The following SUGCT variants were observed in gnomAD, a reference collection of about 807,000 sequenced individuals.
The protein encoded by SUGCT is succinyl-CoA:glutarate CoA-transferase.
Under a neutral mutation model 55.0 loss-of-function variants are expected in SUGCT, and 41 were observed. That is an observed-to-expected ratio of 0.74 (90% CI 0.58 to 0.97). The LOEUF (loss-of-function observed/expected upper bound fraction) is 0.97. Ranked by LOEUF, SUGCT falls within the 50% of genes least tolerant of loss-of-function variation. The pLI, the probability that SUGCT is intolerant of heterozygous loss-of-function variation, is 0.00. For synonymous variants in SUGCT, 187 were observed against 200.4 expected (o/e 0.93, Z 0.56); for missense variants, 568 against 547.8 (o/e 1.04, Z -0.37).
At chr7:41,032,243 C>G in the SUGCT span, among the ~76,000 whole-genome samples, 2 of 152,108 alleles carry the variant, frequency 1.3e-5, no homozygotes, top group Non-Finnish European at 2.9e-5. Flanking sequence ...CTACCTAGTA[C>G]CCATGTGCAT....
chr7:40,460,355 C>A (rs1052315544), intron 11 of SUGCT, among the ~76,000 whole-genome samples: 1 of 152,162 alleles, frequency 6.6e-6, no homozygotes, highest in African/African-American at 2.4e-5. Flanking sequence ...CTTTTCTGGT[C>A]CCTAGTTAAA....
At chr7:40,289,792 G>A (rs1793616241) in intron 8 of SUGCT, among the ~76,000 whole-genome samples, 1 of 152,156 alleles carries the variant, frequency 6.6e-6, no homozygotes, top group East Asian at 1.9e-4. Context: ...AAGCTGATAA[G>A]CTACTTCAGC....
At chr7:40,477,001 A>G (rs1790730095) in intron 11 of SUGCT, among the ~76,000 whole-genome samples, 1 of 152,150 alleles carries the variant, frequency 6.6e-6, no homozygotes. Context: ...TTAATATCAC[A>G]AACAACATTT....
chr7:40,239,021 G>A (rs1366390833), intron 7 of SUGCT, among the ~76,000 whole-genome samples: 5 of 151,922 alleles, frequency 3.3e-5, no homozygotes, highest in South Asian at 4.2e-4. Context: ...TGGTTTCACC[G>A]TCTTGACCAG....
At chr7:40,896,998 G>T in the SUGCT span, among the ~76,000 whole-genome samples, 1 of 152,174 alleles carries the variant, frequency 6.6e-6, no homozygotes, top group East Asian at 1.9e-4. Flanking sequence ...ACAGCACTGT[G>T]TAAAAACAGA....
At chr7:40,428,396 C>A (rs1322277917) in intron 9 of SUGCT, among the ~76,000 whole-genome samples, 1 of 152,086 alleles carries the variant, frequency 6.6e-6, no homozygotes, top group Admixed American at 6.6e-5. Context: ...TAGGGAAGGA[C>A]TTACCTTGTC....
intron 13 of SUGCT, among the ~76,000 whole-genome samples, chr7:40,859,579 A>G (rs1794383010): frequency 6.6e-6 from 1 of 152,222 alleles, no homozygotes; most frequent in Admixed American, 6.5e-5. Flanking sequence ...CATAGTAACC[A>G]ACAAGTTTTG....
chr7:40,288,225 G>A (rs1425104513), intron 8 of SUGCT, among the ~76,000 whole-genome samples: 1 of 151,920 alleles, frequency 6.6e-6, no homozygotes, highest in Admixed American at 6.6e-5. Context: ...CCTTGCTTTT[G>A]GAAGAGTTTG....
chr7:40,496,228 G>T (rs536804073), intron 11 of SUGCT, 56 bp from the exon 12 acceptor site: 10 of 1,090,108 alleles, frequency 9.2e-6, no homozygotes, highest in Middle Eastern at 2.0e-4. Flanking sequence ...CATGATAGAA[G>T]AGGCTGTGTT....
chr7:40,247,908 G>T (rs1790013231), intron 7 of SUGCT, among the ~76,000 whole-genome samples: 1 of 151,702 alleles, frequency 6.6e-6, no homozygotes, highest in African/African-American at 2.4e-5. Flanking sequence ...TTTCTTTATG[G>T]TTAATGTGTT....
At chr7:40,302,329 C>T in intron 8 of SUGCT, among the ~76,000 whole-genome samples, 1 of 152,176 alleles carries the variant, frequency 6.6e-6, no homozygotes, top group East Asian at 1.9e-4. Context: ...CCTCTGCTTT[C>T]CCTCCAATTA....
At chr7:40,538,619 A>G (rs1402379294) in intron 12 of SUGCT, 1 of 152,234 alleles carries the variant, frequency 6.6e-6, no homozygotes, top group African/African-American at 2.4e-5. Flanking sequence ...CTGCATGTAG[A>G]CAAGGTATAT....
At chr7:40,588,676 C>A (rs942234601) in intron 12 of SUGCT, among the ~76,000 whole-genome samples, 17 of 152,206 alleles carry the variant, frequency 1.1e-4, no homozygotes, top group African/African-American at 3.4e-4. Context: ...AGGTTTAATA[C>A]CATCATATTT....
intron 11 of SUGCT, among the ~76,000 whole-genome samples, chr7:40,465,320 C>G (rs73138940): frequency 0.1 from 15,763 of 152,152 alleles, 1,104 homozygotes; most frequent in Middle Eastern, 0.19. Context: ...AGGCTGGGTG[C>G]GGTGGCTGGC....
At chr7:40,334,508 C>A (rs553596706) in intron 9 of SUGCT, among the ~76,000 whole-genome samples, 80 of 152,086 alleles carry the variant, frequency 5.3e-4, no homozygotes, top group Non-Finnish European at 8.8e-4. Context: ...GCCAGTGATG[C>A]TGAGCATTTT....
intron 13 of SUGCT, among the ~76,000 whole-genome samples, chr7:40,791,536 G>A (rs17439694): frequency 0.018 from 2,787 of 152,218 alleles, 46 homozygotes; most frequent in South Asian, 0.04. Context: ...TGGTATGCTT[G>A]AAAGAATAAC....
chr7:40,529,944 CAT>C lies in SUGCT; in HGVS notation c.1089+33560_1089+33561del, dbSNP rs201381497. ...AGGGCCAGAAATGTGGCAGTATAAA[CAT>C]AGCTTATTTAGCCCAGTGTGGACCA... On this transcript the variant is annotated intron_variant, in intron 12 of 13. Transcript: ENST00000335693. 4.7e-3 allele frequency among the ~76,000 whole-genome samples: 709 copies of C among 152,252 alleles called. 6 individuals carry two copies. Among genetic ancestry groups the C allele is most frequent in the African/African-American group, 0.016 (665 of 41,556 alleles).
chr7:40,853,195 A>G (rs1241508474), intron 13 of SUGCT, among the ~76,000 whole-genome samples: 1 of 152,176 alleles, frequency 6.6e-6, no homozygotes, highest in African/African-American at 2.4e-5. Context: ...TAGATACTCC[A>G]AAATTATATG....
At chr7:40,246,384 C>T (rs1562608804) in intron 7 of SUGCT, among the ~76,000 whole-genome samples, 1 of 150,594 alleles carries the variant, frequency 6.6e-6, no homozygotes, top group Non-Finnish European at 1.5e-5. Context: ...TGAGTAGCTG[C>T]GATTACAGGT....
Sources: allele counts gnomAD v4.1 joint callset (sites outside exome capture counted in the v4.1 genomes callset), GRCh38; gene constraint gnomAD v4.1.1; transcripts MANE v1.5; gene names NCBI Gene and HGNC (gene_info 2026-07-23, HGNC 2026-07-21).